The following HHIPL2 variants were observed in gnomAD, a reference collection of about 807,000 sequenced individuals.
HHIPL2 encodes the protein HHIP like 2.
Under a neutral mutation model 61.0 loss-of-function variants are expected in HHIPL2, and 61 were observed. The ratio of observed to expected loss-of-function variants is 1.00; its 90% CI spans 0.81 to 1.24. The LOEUF is 1.24. Among genes scored for constraint, HHIPL2 ranks in the 50% most tolerant of loss-of-function variants. The pLI is 0.00. For synonymous variants in HHIPL2, 343 were observed against 357.4 expected, an observed-to-expected ratio of 0.96 and a Z score of 0.45; for missense variants, 885 against 910.2, an observed-to-expected ratio of 0.97 and a Z score of 0.36.
chr1:222,546,501 C>T (rs1347709566), intron 1 of HHIPL2, among the ~76,000 whole-genome samples: 2 of 152,160 alleles, frequency 1.3e-5, no homozygotes, highest in Non-Finnish European at 1.5e-5. Flanking sequence ...TCCTCAAATC[C>T]CTAAAACAAC....
intron 6 of HHIPL2, among the ~76,000 whole-genome samples, chr1:222,528,639 G>A (rs370274445): frequency 1.3e-5 from 2 of 152,098 alleles, no homozygotes; most frequent in African/African-American, 2.4e-5. Flanking sequence ...TTCGATAATC[G>A]TAGTTATTTT....
intron 1 of HHIPL2, 40 bp downstream of exon 1, chr1:222,547,684 A>G: frequency 6.4e-7 from 1 of 1,565,158 alleles, no homozygotes; most frequent in Non-Finnish European, 8.8e-7. Flanking sequence ...CATGCAGCCC[A>G]GCACCCAAAC....
rs918712848 is a variant in HHIPL2 at position 222,544,094 on chromosome 1, G to A, written c.417C>T (p.Ala139=). ...TGGCTGAGTGACAGTTAGAATGGAA[G>A]GCAGAGCAGTAATCAGAGCAGAGGC... ...LPGLCSDYCS[A]FHSNCHSAIS... Residue 139 remains alanine, a synonymous_variant, in exon 2 of 9, where the codon GCC becomes GCT. Transcript: ENST00000343410. The A allele has an allele frequency of 6.2e-7, 1 of 1,614,184 alleles. No individual in the cohort carries two copies. The highest frequency in any genetic ancestry group is 1.3e-5 in the African/African-American group (1 of 75,050).
chr1:222,534,798 A>G (rs1020059764), intron 5 of HHIPL2, among the ~76,000 whole-genome samples: 1 of 152,142 alleles, frequency 6.6e-6, no homozygotes, highest in Non-Finnish European at 1.5e-5. Flanking sequence ...AAATTTTTTA[A>G]CATAAATAGA....
chr1:222,542,105 A>T lies in HHIPL2; in HGVS notation c.1025T>A (p.Leu342His). 6.2e-7 allele frequency: 1 copy of T among 1,614,078 alleles called. No homozygotes were observed. Among genetic ancestry groups the T allele is most frequent in the Non-Finnish European group, 8.5e-7 (1 of 1,180,016 alleles). The change falls in exon 3 of 9, where the codon CTT becomes CAT. Residue 342 changes from leucine (L) to histidine (H), a missense_variant. Leu to His is a moderately conservative substitution (Grantham distance 99). Coordinates refer to ENST00000343410, the MANE Select transcript of HHIPL2 (RefSeq NM_024746.4). Reference protein sequence around the residue: ...EPASNHNGGQLLFGLDGYMYI... With the variant: ...EPASNHNGGQHLFGLDGYMYI... ...CATATAGCCATCCAGGCCAAAAAGA[A>T]GTTGTCCGCCATTATGGTTTGAGGC...
Position 222,543,636 on chromosome 1 carries a change from T to A in HHIPL2, c.875A>T (p.Tyr292Phe), listed in dbSNP as rs768111399. The change falls in exon 2 of 9, where the codon TAT becomes TTT. Residue 292 changes from tyrosine (Y) to phenylalanine (F), a missense_variant. By Grantham distance (22) the Tyr-to-Phe change is conservative. Coordinates refer to ENST00000343410, the MANE Select transcript of HHIPL2 (RefSeq NM_024746.4). ...KFRHNRKFYIYYSCLDKKKVE... is the reference protein window; with the variant it reads ...KFRHNRKFYIFYSCLDKKKVE... ...CTTCTTCTTGTCCAGGCACGAATAATAAATATAGAACTTGCGATTGTGGCG... is the reference window on the plus strand; with the variant it reads ...CTTCTTCTTGTCCAGGCACGAATAAAAAATATAGAACTTGCGATTGTGGCG... The A allele has an allele frequency of 3.6e-5, 58 of 1,614,112 alleles. 1 individual carries two copies. In the East Asian group the frequency reaches 1.3e-3, roughly 36 times the overall value.
chr1:222,527,125 A>T, intron 6 of HHIPL2, 75 bp from the exon 7 acceptor site: 2 of 1,186,964 alleles, frequency 1.7e-6, no homozygotes, highest in Non-Finnish European at 1.2e-6. Flanking sequence ...TGCACAGAAA[A>T]TGGTCAAAAA....
intron 5 of HHIPL2, 99 bp downstream of exon 5, chr1:222,538,549 C>T (rs1659355542): frequency 2.7e-6 from 3 of 1,102,234 alleles, no homozygotes; most frequent in Non-Finnish European, 2.6e-6. Context: ...ACATCAAACA[C>T]CTGTGCTCTT....
chr1:222,530,303 C>A (rs1461608791), intron 6 of HHIPL2, among the ~76,000 whole-genome samples: 2 of 152,138 alleles, frequency 1.3e-5, no homozygotes, highest in Non-Finnish European at 2.9e-5. Context: ...CCTGGGCAGG[C>A]CTGCCTCTGG....
Position 222,538,794 on chromosome 1 carries a change from G to C in HHIPL2, c.1451-20C>G. 1 of 1,612,164 alleles carries C rather than the reference G, an allele frequency of 6.2e-7. No individual in the cohort carries two copies. Reference sequence around the variant, plus strand: ...CATCATCTGTCCAGGAGAGAGGAAAGAGAGTGAGTGTCGTGGCCTAAAATT... The same window carrying C: ...CATCATCTGTCCAGGAGAGAGGAAACAGAGTGAGTGTCGTGGCCTAAAATT... On this transcript the variant is annotated intron_variant, in intron 4 of 8. Coordinates refer to ENST00000343410, the MANE Select transcript of HHIPL2 (RefSeq NM_024746.4).
chr1:222,537,452 C>A (rs528834371), intron 5 of HHIPL2, among the ~76,000 whole-genome samples: 221 of 139,086 alleles, frequency 1.6e-3, no homozygotes, highest in Non-Finnish European at 2.3e-3. Context: ...GGCTTCAATT[C>A]AAAAAAAAAA....
At chr1:222,528,708 C>T (rs899924373) in intron 6 of HHIPL2, among the ~76,000 whole-genome samples, 43 of 152,060 alleles carry the variant, frequency 2.8e-4, no homozygotes, top group African/African-American at 1.0e-3. Context: ...AACTCACTTG[C>T]TGTCATGTGC....
chr1:222,523,504 C>T (rs1156382904), intron 8 of HHIPL2, 108 bp downstream of exon 8: 2 of 1,010,374 alleles, frequency 2.0e-6, no homozygotes, highest in African/African-American at 3.2e-5. Flanking sequence ...CTTAGTTTCC[C>T]TCAGGGGGTA....
intron 7 of HHIPL2, among the ~76,000 whole-genome samples, chr1:222,525,923 C>T (rs1659053421): frequency 6.6e-6 from 1 of 152,102 alleles, no homozygotes; most frequent in African/African-American, 2.4e-5. Context: ...AGCTTGAACC[C>T]AGGAGGCAGA....
At chr1:222,546,884 G>C (rs1010436222) in intron 1 of HHIPL2, among the ~76,000 whole-genome samples, 4 of 152,344 alleles carry the variant, frequency 2.6e-5, no homozygotes, top group African/African-American at 9.6e-5. Flanking sequence ...AAGTCATTGT[G>C]CTGACAAGCC....
intron 2 of HHIPL2, among the ~76,000 whole-genome samples, chr1:222,542,591 C>A (rs570113225): frequency 2.2e-5 from 3 of 137,536 alleles, no homozygotes; most frequent in African/African-American, 8.3e-5. Context: ...CATGCAGTGG[C>A]GTGATCTTGG....
chr1:222,535,491 T>C (rs1002433887), intron 5 of HHIPL2, among the ~76,000 whole-genome samples: 1 of 152,188 alleles, frequency 6.6e-6, no homozygotes, highest in African/African-American at 2.4e-5. Flanking sequence ...CTTTTATAGT[T>C]TTGGTTGCCA....
Position 222,522,578 on chromosome 1 carries a change from T to C in HHIPL2, c.*23A>G, listed in dbSNP as rs1235063919. On this transcript the variant is annotated 3_prime_UTR_variant, in exon 9 of 9. Coordinates refer to ENST00000343410, the MANE Select transcript of HHIPL2 (RefSeq NM_024746.4). ...GTGGCTCTCCTCTCTCACGTCACCC[T>C]GTCGGCCACCTTGACCAATAGGTCA... is the stretch of plus-strand genomic sequence containing the variant. 6.2e-7 allele frequency: 1 copy of C among 1,604,444 alleles called. No homozygotes were observed. Among genetic ancestry groups the C allele is most frequent in the Non-Finnish European group, 8.5e-7 (1 of 1,177,444 alleles).
chr1:222,528,576 C>T (rs1659118415), intron 6 of HHIPL2, among the ~76,000 whole-genome samples: 1 of 152,090 alleles, frequency 6.6e-6, no homozygotes, highest in South Asian at 2.1e-4. Flanking sequence ...CACTACACTC[C>T]CAGTGCAGTA....
Sources: gnomAD v4.1 joint callset for allele counts (sites outside exome capture counted in the v4.1 genomes callset) on GRCh38, gnomAD v4.1.1 for gene constraint, MANE v1.5 for transcripts, NCBI Gene and HGNC (gene_info 2026-07-23, HGNC 2026-07-21) for gene names.